The following EIF5B variants were observed in gnomAD, a reference collection of about 807,000 sequenced individuals.
The protein encoded by EIF5B is eIF-5B.
Under a neutral mutation model 147.5 loss-of-function variants are expected in EIF5B, and 47 were observed. That is an observed-to-expected ratio of 0.32 (90% confidence interval 0.25 to 0.41). EIF5B has a LOEUF of 0.41. Ranked by LOEUF, EIF5B falls within the 10% of genes least tolerant of loss-of-function variation. The pLI is 1.00. For synonymous variants in EIF5B, 455 were observed against 456.2 expected, an observed-to-expected ratio of 1.00 and a Z score of 0.03; for missense variants, 1,064 against 1,413.2, an observed-to-expected ratio of 0.75 and a Z score of 3.96.
chr2:99,377,952 A>T (rs1399124473), intron 10 of EIF5B, among the ~76,000 whole-genome samples: 1 of 152,138 alleles, frequency 6.6e-6, no homozygotes, highest in Non-Finnish European at 1.5e-5. Context: ...TTTGTAACTT[A>T]TTGCCCTCCA....
chr2:99,361,717 T>G lies in EIF5B; in HGVS notation c.816T>G (p.Ser272=). ...AGGATCAGAGTAAACAAAAGGAATCTCAAAGGAAATTTGAAGAAGAAACTG... is the reference window on the plus strand; with the variant it reads ...AGGATCAGAGTAAACAAAAGGAATCGCAAAGGAAATTTGAAGAAGAAACTG... ...GKKDQSKQKE[S]QRKFEEETVK... is the part of the protein sequence containing the mutation. Residue 272 remains serine, a synonymous_variant, in exon 4 of 24, where the codon TCT becomes TCG. Coordinates refer to ENST00000289371, the MANE Select transcript of EIF5B (RefSeq NM_015904.4). 6.3e-7 allele frequency: 1 copy of G among 1,596,690 alleles called. No individual in the cohort carries two copies. The highest frequency in any genetic ancestry group is 8.5e-7 in the Non-Finnish European group (1 of 1,176,006).
At position 99,401,094 on chromosome 2, in the gene EIF5B, A is replaced by T. The variant is rs1675326019; in HGVS notation, c.*1680A>T. On this transcript the variant is annotated 3_prime_UTR_variant, in exon 24 of 24. Coordinates refer to ENST00000289371, the MANE Select transcript of EIF5B (RefSeq NM_015904.4). Reference sequence around the variant, plus strand: ...TACATGCAATACTGACAAATTTGGCACTTTTTGAAAAGAAATGTACAAAAC... The same window carrying T: ...TACATGCAATACTGACAAATTTGGCTCTTTTTGAAAAGAAATGTACAAAAC... The T allele has an allele frequency of 2.0e-6, 1 of 495,262 alleles. No individual in the cohort carries two copies. The highest frequency in any genetic ancestry group is 1.9e-5 in the African/African-American group (1 of 52,394). 30.7% of individuals were successfully genotyped at this position (495,262 alleles called of 1,614,324 possible). A position where few individuals can be genotyped will look rare whatever the true frequency, so the allele number is the denominator to read the frequency against.
In EIF5B at chr2:99,364,383, C is replaced by T; in HGVS notation, c.1250C>T (p.Ala417Val). Residue 417 changes from alanine to valine, a missense_variant, in exon 6 of 24, where the codon GCC becomes GTC. By Grantham distance (64) the Ala-to-Val change is moderately conservative. Transcript: ENST00000289371. ...ACTAAATCCCAGAGAGAAGCCAGAG[C>T]CAGAGCCGAAGCTACTCTTAAACTG... is the stretch of plus-strand genomic sequence containing the variant. ...LLTKSQREAR[A>V]RAEATLKLLQ... is the part of the protein sequence containing the mutation. 2 of 1,609,156 alleles carry T rather than the reference C, an allele frequency of 1.2e-6. No homozygotes were observed. Among genetic ancestry groups the T allele is most frequent in the Non-Finnish European group, 1.7e-6 (2 of 1,178,628 alleles).
intron 1 of EIF5B, among the ~76,000 whole-genome samples, chr2:99,347,589 T>C (rs2094276031): frequency 6.6e-6 from 1 of 152,090 alleles, no homozygotes; most frequent in Non-Finnish European, 1.5e-5. Context: ...AACTATACTT[T>C]GAGTAGTAGG....
chr2:99,379,061 C>T lies in EIF5B; in HGVS notation c.1885C>T (p.Leu629=). 6.3e-7 allele frequency: 1 copy of T among 1,596,672 alleles called. No individual in the cohort carries two copies. Among genetic ancestry groups the T allele is most frequent in the Non-Finnish European group, 8.5e-7 (1 of 1,173,668 alleles). Residue 629 remains leucine, a synonymous_variant, in exon 11 of 24, where the codon CTA becomes TTA. Transcript: ENST00000289371. ...EHSKNVNTEK[L]RAPIICVLGH... is the part of the protein sequence containing the mutation. The stretch of plus-strand genomic sequence containing the variant: ...TAGTAAAAATGTAAACACCGAAAAG[C>T]TAAGAGCCCCTATTATCTGCGTACT...
At chr2:99,355,610 G>GTTTTTTTTTTTTTTTTTTTTTTTGTT (rs67037124) in intron 1 of EIF5B, among the ~76,000 whole-genome samples, 1 of 98,614 alleles carries the variant, frequency 1.0e-5, no homozygotes, top group Non-Finnish European at 2.0e-5. Context: ...TGTTTTTTGG[G>GTTTTTTTTTTTTTTTTTTTTTTTGTT]TTTTTTTTTT....
Position 99,337,465 on chromosome 2 carries a change from A to G in EIF5B, c.-90A>G. 6.6e-7 allele frequency: 1 copy of G among 1,525,070 alleles called. No homozygotes were observed. Among genetic ancestry groups the G allele is most frequent in the South Asian group, 1.2e-5 (1 of 84,504 alleles). 94.5% of individuals were successfully genotyped at this position (1,525,070 alleles called of 1,614,324 possible). On this transcript the variant is annotated 5_prime_UTR_variant, in exon 1 of 24. Coordinates refer to ENST00000289371, the MANE Select transcript of EIF5B (RefSeq NM_015904.4). ...AGCGGCGGCAGCACGAGGGGAAAAG[A>G]GCTGAGCGGAGACCAAAGTCAGCCG... is the stretch of plus-strand genomic sequence containing the variant.
intron 1 of EIF5B, among the ~76,000 whole-genome samples, chr2:99,342,765 A>G (rs891856601): frequency 1.3e-5 from 2 of 151,462 alleles, no homozygotes; most frequent in African/African-American, 4.9e-5. Context: ...CCCAGTAGCT[A>G]GGACTGCAGG....
intron 1 of EIF5B, among the ~76,000 whole-genome samples, chr2:99,343,960 C>T (rs565929950): frequency 6.6e-6 from 1 of 151,762 alleles, no homozygotes; most frequent in African/African-American, 2.4e-5. Context: ...GCTCTGTCGC[C>T]TAGGCTGGAG....
intron 22 of EIF5B, chr2:99,397,476 A>G (rs1300722894): frequency 1.4e-5 from 2 of 147,470 alleles, no homozygotes; most frequent in Non-Finnish European, 1.5e-5. Flanking sequence ...GCCTCAGTCA[A>G]GAACAGTCCT....
chr2:99,377,688 T>C (rs1304153812), intron 10 of EIF5B, among the ~76,000 whole-genome samples: 2 of 152,138 alleles, frequency 1.3e-5, no homozygotes, highest in African/African-American at 2.4e-5. Context: ...TAGTTAATGG[T>C]AGTGTGTATG....
intron 1 of EIF5B, among the ~76,000 whole-genome samples, chr2:99,338,965 A>T (rs1376194389): frequency 7.3e-6 from 1 of 137,576 alleles, no homozygotes; most frequent in Non-Finnish European, 1.5e-5. Context: ...CATATATATA[A>T]ATATATATAT....
chr2:99,381,105 TTTTTA>T (rs904514362), intron 12 of EIF5B, among the ~76,000 whole-genome samples: 4 of 152,204 alleles, frequency 2.6e-5, no homozygotes, highest in Non-Finnish European at 4.4e-5. Context: ...TAGTAGTGAA[TTTTTA>T]TTTTAGAACA....
Position 99,394,256 on chromosome 2 carries a change from T to C in EIF5B, c.2881-11T>C. 1 of 1,599,468 alleles carries C rather than the reference T, an allele frequency of 6.3e-7. No homozygotes were observed. Among genetic ancestry groups the C allele is most frequent in the South Asian group, 1.1e-5 (1 of 89,494 alleles). On this transcript the variant is annotated splice_polypyrimidine_tract_variant and intron_variant, in intron 18 of 23. Transcript: ENST00000289371. Reference sequence around the variant, plus strand: ...TGTTGACAACCTTATCAAATCTGATTTCTTTTCAAGGATGAATTGATCCAT... The same window carrying C: ...TGTTGACAACCTTATCAAATCTGATCTCTTTTCAAGGATGAATTGATCCAT...
At chr2:99,338,194 G>T in intron 1 of EIF5B, 14 of 622,870 alleles carry the variant, frequency 2.2e-5, no homozygotes, top group South Asian at 6.3e-5. Flanking sequence ...TCGTTTCTTT[G>T]CTCTCTAGCC....
At chr2:99,345,925 CAG>C (rs1209802912) in intron 1 of EIF5B, among the ~76,000 whole-genome samples, 1 of 135,840 alleles carries the variant, frequency 7.4e-6, no homozygotes, top group African/African-American at 2.8e-5. Flanking sequence ...GCCTGGGTGA[CAG>C]AGCTAGACCC....
At position 99,396,802 on chromosome 2, in the gene EIF5B, G is replaced by C; in HGVS notation, c.3297G>C (p.Gln1099His). The C allele has an allele frequency of 6.2e-7, 1 of 1,613,148 alleles. No individual in the cohort carries two copies. Among genetic ancestry groups the C allele is most frequent in the Non-Finnish European group, 8.5e-7 (1 of 1,179,710 alleles). Residue 1099 changes from glutamine to histidine, a missense_variant, in exon 22 of 24, where the codon CAG (glutamine) becomes CAC (histidine). By Grantham distance (24) the Gln-to-His change is conservative. Transcript: ENST00000289371. ...CCTGCAAGATAAAAATCCTCCCTCAGTACATTTTTAATTCTCGAGATCCGA... is the reference window on the plus strand; with the variant it reads ...CCTGCAAGATAAAAATCCTCCCTCACTACATTTTTAATTCTCGAGATCCGA... ...VFPCKIKILP[Q>H]YIFNSRDPIV...
chr2:99,387,374 T>C (rs2104241225), intron 14 of EIF5B, among the ~76,000 whole-genome samples: 1 of 152,322 alleles, frequency 6.6e-6, no homozygotes, highest in Non-Finnish European at 1.5e-5. Flanking sequence ...TTACTTTTTT[T>C]CCATAGAAAT....
rs1674881739 is a variant in EIF5B, at chr2:99,389,625, G to T, written c.2272-93G>T. On this transcript the variant is annotated intron_variant, in intron 14 of 23. Coordinates refer to ENST00000289371, the MANE Select transcript of EIF5B (RefSeq NM_015904.4). ...GTAAGTCACACTGTTCTGTATATAT[G>T]AGACACACATGAGGAATTTTCTGGA... 3.3e-6 allele frequency: 4 copies of T among 1,226,970 alleles called. No homozygotes were observed. The African/African-American group carries it at 6.1e-5, about 19-fold the overall frequency. The allele number at this position is 1,226,970 out of a possible 1,614,324, so 76.0% of individuals were successfully genotyped here.
Sources: allele counts gnomAD v4.1 joint callset (sites outside exome capture counted in the v4.1 genomes callset), GRCh38; gene constraint gnomAD v4.1.1; transcripts MANE v1.5; gene names NCBI Gene and HGNC (gene_info 2026-07-23, HGNC 2026-07-21).